CCSER2: variants seen among roughly 807,000 people sequenced by gnomAD.
CCSER2 encodes coiled-coil serine rich protein 2, also known as serine-rich coiled-coil domain-containing protein 2.
CCSER2 carries 46 observed loss-of-function variants against 92.3 expected under a neutral mutation model. The ratio of observed to expected loss-of-function variants is 0.50; its 90% confidence interval spans 0.39 to 0.64. The LOEUF (loss-of-function observed/expected upper bound fraction) is 0.64, where lower values mean the gene tolerates loss of function less well. CCSER2 is among the 30% of genes least tolerant of loss of function. The pLI, the probability that CCSER2 is intolerant of heterozygous loss-of-function variation, is 0.00. For synonymous variants in CCSER2, 433 were observed against 431.4 expected (o/e 1.00, Z -0.04); for missense variants, 1,244 against 1,238.9 (o/e 1.00, Z -0.06).
intron 6 of CCSER2, among the ~76,000 whole-genome samples, chr10:84,459,969 C>T (rs1404079556): frequency 6.6e-6 from 1 of 151,930 alleles, no homozygotes; most frequent in Non-Finnish European, 1.5e-5. Flanking sequence ...CCTTTTATTT[C>T]TCAATTTGGT....
intron 1 of CCSER2, among the ~76,000 whole-genome samples, chr10:84,368,805 T>C (rs1256514114): frequency 2.0e-5 from 3 of 152,082 alleles, no homozygotes; most frequent in Non-Finnish European, 4.4e-5. Flanking sequence ...CCCTACTACA[T>C]TGTGTAGTTT....
At chr10:84,391,227 G>A (rs1455603696) in intron 3 of CCSER2, 6 of 1,217,924 alleles carry the variant, frequency 4.9e-6, no homozygotes, top group Non-Finnish European at 7.3e-6. Context: ...AGACAATGAG[G>A]AAAACTTGCC....
At chr10:84,432,495 CAT>C (rs1254638819) in intron 5 of CCSER2, among the ~76,000 whole-genome samples, 4 of 152,182 alleles carry the variant, frequency 2.6e-5, no homozygotes, top group African/African-American at 4.8e-5. Context: ...TAAGTGAGAA[CAT>C]GTGGTATTTG....
intron 1 of CCSER2, among the ~76,000 whole-genome samples, chr10:84,330,230 C>G (rs946001417): frequency 9.2e-5 from 14 of 152,186 alleles, no homozygotes; most frequent in African/African-American, 3.4e-4. Context: ...GTATTTGTCT[C>G]CATTCTAGTG....
intron 8 of CCSER2, among the ~76,000 whole-genome samples, chr10:84,477,228 G>A (rs1159341800): frequency 6.6e-6 from 1 of 151,994 alleles, no homozygotes; most frequent in African/African-American, 2.4e-5. Context: ...ATTGCCAAGG[G>A]TAATTTAGAT....
intron 9 of CCSER2, among the ~76,000 whole-genome samples, chr10:84,480,234 A>G (rs1847380557): frequency 6.6e-6 from 1 of 151,902 alleles, no homozygotes; most frequent in African/African-American, 2.4e-5. Context: ...TTGTAGAGAC[A>G]GGGGTCTCAC....
intron 3 of CCSER2, among the ~76,000 whole-genome samples, chr10:84,388,690 G>A (rs982832984): frequency 2.0e-5 from 3 of 152,174 alleles, no homozygotes; most frequent in Non-Finnish European, 4.4e-5. Context: ...ATGGACTGGA[G>A]TGCAGATGGA....
At chr10:84,332,724 G>C (rs1460961872) in intron 1 of CCSER2, among the ~76,000 whole-genome samples, 1 of 151,828 alleles carries the variant, frequency 6.6e-6, no homozygotes, top group Non-Finnish European at 1.5e-5. Flanking sequence ...GGGTGAGGCG[G>C]GAGAATCGCT....
chr10:84,333,436 A>G (rs1334892861), intron 1 of CCSER2, among the ~76,000 whole-genome samples: 2 of 152,206 alleles, frequency 1.3e-5, no homozygotes, highest in Non-Finnish European at 2.9e-5. Context: ...TGACCTGCCA[A>G]GGATAACATA....
At chr10:84,437,066 A>G (rs1844201148) in intron 5 of CCSER2, among the ~76,000 whole-genome samples, 1 of 152,002 alleles carries the variant, frequency 6.6e-6, no homozygotes, top group African/African-American at 2.4e-5. Flanking sequence ...ATTTCTTGAA[A>G]TTTTGCTAGA....
In CCSER2 at chr10:84,391,416, T is replaced by C. The variant is rs149423136; in HGVS notation, c.1614+17601T>C. 1,178 of 1,536,860 alleles carry C rather than the reference T, an allele frequency of 7.7e-4. 7 individuals carry two copies. The African/African-American group carries it at 0.014, about 19-fold the overall frequency. Reference sequence around the variant, plus strand: ...CATCAGTGGATGCAGGATAAAATGCTAGAAGTTCGACAGAGTTATTTTGCC... The same window carrying C: ...CATCAGTGGATGCAGGATAAAATGCCAGAAGTTCGACAGAGTTATTTTGCC... On this transcript the variant is annotated intron_variant, in intron 3 of 9. Transcript: ENST00000372088.
In CCSER2 at chr10:84,354,759, C is replaced by T. The variant is rs146551277; in HGVS notation, c.-39-16255C>T. On this transcript the variant is annotated intron_variant, in intron 1 of 9. Transcript: ENST00000372088. ...GACTCCTTTGACCGGTAAACACCCT[C>T]GCGTATGCTCTCTAGATATGCACCT... is the stretch of plus-strand genomic sequence containing the variant. 4.6e-5 allele frequency among the ~76,000 whole-genome samples: 7 copies of T among 151,800 alleles called. No individual in the cohort carries two copies. The East Asian group carries it at 1.2e-3, about 26-fold the overall frequency.
At chr10:84,494,832 A>G (rs886186145) in intron 9 of CCSER2, among the ~76,000 whole-genome samples, 1 of 152,194 alleles carries the variant, frequency 6.6e-6, no homozygotes, top group African/African-American at 2.4e-5. Context: ...TATTACCGGA[A>G]AGGGGTCTGA....
chr10:84,386,263 A>G (rs1841198127), intron 3 of CCSER2, among the ~76,000 whole-genome samples: 1 of 152,260 alleles, frequency 6.6e-6, no homozygotes, highest in South Asian at 2.1e-4. Flanking sequence ...AAAAGAAGTT[A>G]TTATATCAAA....
intron 9 of CCSER2, among the ~76,000 whole-genome samples, chr10:84,485,189 T>G (rs1847732695): frequency 6.6e-6 from 1 of 152,220 alleles, no homozygotes; most frequent in Non-Finnish European, 1.5e-5. Context: ...TAGTACAATA[T>G]CAAAACCAGG....
rs559181284 is a variant in CCSER2, at chr10:84,444,438, C to G, written c.2064+5731C>G. ...ATTTATTTGGACATTCTTCTAGGTT[C>G]TCTGATATACATTATCTCTAGTCTG... On this transcript the variant is annotated intron_variant, in intron 6 of 9. Transcript: ENST00000372088. Among the ~76,000 whole-genome samples, 7 of 152,238 alleles carry G rather than the reference C, an allele frequency of 4.6e-5. No homozygotes were observed. In the South Asian group the frequency reaches 1.2e-3, roughly 27 times the overall value.
At chr10:84,486,394 C>T (rs996767268) in intron 9 of CCSER2, among the ~76,000 whole-genome samples, 31 of 152,336 alleles carry the variant, frequency 2.0e-4, no homozygotes, top group African/African-American at 7.5e-4. Flanking sequence ...TCCACATCCT[C>T]TCCAGCACCT....
chr10:84,363,902 C>A (rs1845644114), intron 1 of CCSER2, among the ~76,000 whole-genome samples: 1 of 152,164 alleles, frequency 6.6e-6, no homozygotes, highest in African/African-American at 2.4e-5. Flanking sequence ...TACACAGATG[C>A]AGATGGTATA....
chr10:84,514,435 T>C lies in CCSER2; in HGVS notation c.*168T>C. The C allele has an allele frequency of 1.7e-6, 1 of 594,908 alleles. No individual in the cohort carries two copies. Among genetic ancestry groups the C allele is most frequent in the South Asian group, 2.2e-5 (1 of 44,926 alleles). The allele number at this position is 594,908 out of a possible 1,614,324, so 36.9% of individuals were successfully genotyped here. A position where few individuals can be genotyped will look rare whatever the true frequency, so the allele number is the denominator to read the frequency against. The stretch of plus-strand genomic sequence containing the variant: ...AGTTTGGCTCCTTCATTTTATATCC[T>C]GGTTGAAGTACATGCCATTTGAGCA... On this transcript the variant is annotated 3_prime_UTR_variant, in exon 10 of 10. Coordinates refer to ENST00000372088, the MANE Select transcript of CCSER2 (RefSeq NM_001284240.2).
Sources: gnomAD v4.1 joint callset for allele counts (sites outside exome capture counted in the v4.1 genomes callset) on GRCh38, gnomAD v4.1.1 for gene constraint, MANE v1.5 for transcripts, NCBI Gene and HGNC (gene_info 2026-07-23, HGNC 2026-07-21) for gene names.